GRB14: variants seen among roughly 807,000 people sequenced by gnomAD.
GRB14 encodes growth factor receptor bound protein 14, also known as growth factor receptor-bound protein 14.
A neutral mutation model predicts 69.1 loss-of-function variants in GRB14; 38 were observed. That is an observed-to-expected ratio of 0.55 (90% CI 0.42 to 0.72). The LOEUF (loss-of-function observed/expected upper bound fraction) is 0.72, where lower values mean the gene tolerates loss of function less well. Ranked by LOEUF, GRB14 falls within the 30% of genes least tolerant of loss-of-function variation. The probability of loss-of-function intolerance (pLI) is 0.00; values close to 1 mark genes in which losing one functional copy is unlikely to be tolerated. For synonymous variants in GRB14, 247 were observed against 241.3 expected, an observed-to-expected ratio of 1.02 and a Z score of -0.22; for missense variants, 666 against 666.1, an observed-to-expected ratio of 1.00 and a Z score of 0.00.
At chr2:164,551,423 T>C (rs1480026257) in intron 2 of GRB14, among the ~76,000 whole-genome samples, 3 of 152,146 alleles carry the variant, frequency 2.0e-5, no homozygotes, top group Non-Finnish European at 2.9e-5. Context: ...ACTGAATGTT[T>C]GTACCCTCCA....
At chr2:164,515,580 A>C (rs1449789845) in intron 6 of GRB14, among the ~76,000 whole-genome samples, 1 of 152,122 alleles carries the variant, frequency 6.6e-6, no homozygotes. Flanking sequence ...TCAGCCACAA[A>C]TCTTCCTTTT....
chr2:164,538,311 A>C (rs1210253939), intron 3 of GRB14, among the ~76,000 whole-genome samples: 1 of 152,168 alleles, frequency 6.6e-6, no homozygotes, highest in African/African-American at 2.4e-5. Context: ...CATGGCTTCA[A>C]TTAGGAATCA....
intron 2 of GRB14, among the ~76,000 whole-genome samples, chr2:164,616,154 G>A (rs1422851729): frequency 6.6e-6 from 1 of 152,172 alleles, no homozygotes; most frequent in Non-Finnish European, 1.5e-5. Flanking sequence ...GCGGGGCACA[G>A]GGGCTCATGC....
At chr2:164,618,183 T>C (rs924120342) in intron 2 of GRB14, among the ~76,000 whole-genome samples, 2 of 151,996 alleles carry the variant, frequency 1.3e-5, no homozygotes, top group African/African-American at 2.4e-5. Context: ...GACAGGATGG[T>C]CTCAATCTTC....
chr2:164,571,036 T>C lies in GRB14; in HGVS notation c.325-23220A>G, dbSNP rs2105330395. Among the ~76,000 whole-genome samples, 4 of 152,332 alleles carry C rather than the reference T, an allele frequency of 2.6e-5. No individual in the cohort carries two copies. In the South Asian group the frequency reaches 8.3e-4, roughly 32 times the overall value. Reference sequence around the variant, plus strand: ...AAATGAAGCTTACCGATACTTTTCATAGTCAGCAGACTGAACAAGATAGCA... The same window carrying C: ...AAATGAAGCTTACCGATACTTTTCACAGTCAGCAGACTGAACAAGATAGCA... On this transcript the variant is annotated intron_variant, in intron 2 of 13. Transcript: ENST00000263915.
At chr2:164,573,591 C>A (rs929755620) in intron 2 of GRB14, 2 of 1,138,896 alleles carry the variant, frequency 1.8e-6, no homozygotes, top group Non-Finnish European at 1.2e-6. Flanking sequence ...ATGTAAGTCA[C>A]CCTTTATATA....
At chr2:164,564,417 C>T (rs532762363) in intron 2 of GRB14, among the ~76,000 whole-genome samples, 6 of 152,138 alleles carry the variant, frequency 3.9e-5, no homozygotes, top group Non-Finnish European at 8.8e-5. Context: ...CTTTCCTCCA[C>T]TAAATCACTT....
intron 6 of GRB14, among the ~76,000 whole-genome samples, chr2:164,509,422 T>C (rs1317260101): frequency 2.0e-5 from 3 of 152,168 alleles, no homozygotes; most frequent in African/African-American, 7.2e-5. Flanking sequence ...TCAGGGAAAT[T>C]AGCTGGCAGA....
chr2:164,493,241 T>C (rs763866657), intron 13 of GRB14, 59 bp from the exon 14 acceptor site: 197 of 1,495,450 alleles, frequency 1.3e-4, no homozygotes, highest in Non-Finnish European at 1.8e-4. Flanking sequence ...AGGACAATCA[T>C]ATTCGATTGC....
At chr2:164,520,084 G>A (rs928566973) in intron 6 of GRB14, among the ~76,000 whole-genome samples, 5 of 152,058 alleles carry the variant, frequency 3.3e-5, no homozygotes, top group Admixed American at 2.0e-4. Context: ...GAACAAACCT[G>A]GAGGCATCAC....
At chr2:164,539,256 C>G (rs1390016379) in intron 3 of GRB14, among the ~76,000 whole-genome samples, 1 of 152,062 alleles carries the variant, frequency 6.6e-6, no homozygotes, top group Non-Finnish European at 1.5e-5. Context: ...AGATGGATCA[C>G]TTGAGGTCAG....
At chr2:164,577,649 T>C (rs1312321668) in intron 2 of GRB14, among the ~76,000 whole-genome samples, 1 of 152,214 alleles carries the variant, frequency 6.6e-6, no homozygotes, top group African/African-American at 2.4e-5. Flanking sequence ...TGGTAGTTCT[T>C]TATAGCAGTG....
chr2:164,555,994 T>C (rs969500341), intron 2 of GRB14, among the ~76,000 whole-genome samples: 21 of 152,118 alleles, frequency 1.4e-4, no homozygotes, highest in African/African-American at 5.1e-4. Context: ...AATATTTTTA[T>C]ATCAGGGTCA....
chr2:164,495,920 C>T (rs1686881426), intron 12 of GRB14, among the ~76,000 whole-genome samples: 1 of 152,104 alleles, frequency 6.6e-6, no homozygotes, highest in South Asian at 2.1e-4. Context: ...TTTATAAATA[C>T]TGGGCTCAGA....
intron 2 of GRB14, among the ~76,000 whole-genome samples, chr2:164,608,950 G>A (rs554458121): frequency 2.0e-5 from 3 of 152,208 alleles, no homozygotes; most frequent in Middle Eastern, 3.4e-3. Flanking sequence ...AGAGTTTATC[G>A]TATGATTTGC....
intron 2 of GRB14, among the ~76,000 whole-genome samples, chr2:164,582,063 T>C (rs1203796796): frequency 6.6e-6 from 1 of 152,206 alleles, no homozygotes; most frequent in Non-Finnish European, 1.5e-5. Context: ...TTCCCAAATT[T>C]TTATCTTCTG....
intron 5 of GRB14, among the ~76,000 whole-genome samples, chr2:164,522,854 A>G (rs1399280633): frequency 1.3e-5 from 2 of 152,084 alleles, no homozygotes; most frequent in African/African-American, 4.8e-5. Flanking sequence ...CAAGCCTGTC[A>G]TTGCTTTGAC....
intron 2 of GRB14, among the ~76,000 whole-genome samples, chr2:164,596,439 T>A (rs1392711027): frequency 6.6e-6 from 1 of 152,178 alleles, no homozygotes; most frequent in Non-Finnish European, 1.5e-5. Flanking sequence ...CCTCAAGTCA[T>A]TAAGATGCCA....
At position 164,492,728 on chromosome 2, in the gene GRB14, T is replaced by C. The variant is rs1213733983; in HGVS notation, c.*308A>G. On this transcript the variant is annotated 3_prime_UTR_variant, in exon 14 of 14. Transcript: ENST00000263915. ...GTTTCAGAATTCTGATGTTGCTATA[T>C]GGTAAATAAGGGAGACATGTTTTAA... The C allele has an allele frequency of 5.1e-6, 1 of 196,456 alleles. No homozygotes were observed. The highest frequency in any genetic ancestry group is 1.0e-5 in the Non-Finnish European group (1 of 97,980). 12.2% of individuals were successfully genotyped at this position (196,456 alleles called of 1,614,324 possible).
Sources: allele counts gnomAD v4.1 joint callset (sites outside exome capture counted in the v4.1 genomes callset), GRCh38; gene constraint gnomAD v4.1.1; transcripts MANE v1.5; gene names NCBI Gene and HGNC (gene_info 2026-07-23, HGNC 2026-07-21).